NUFIP1: variants seen among roughly 807,000 people sequenced by gnomAD.
The protein encoded by NUFIP1 is nuclear FMR1 interacting protein 1.
In NUFIP1, 38 loss-of-function variants were observed where a neutral mutation model predicts 56.2. That is an observed-to-expected ratio of 0.68 (90% CI 0.52 to 0.89). The LOEUF (loss-of-function observed/expected upper bound fraction) is 0.89, where lower values mean the gene tolerates loss of function less well. Among genes scored for constraint, NUFIP1 ranks in the 40% least tolerant of loss-of-function variants. NUFIP1 has a pLI of 0.00. For missense variants in NUFIP1, 567 were observed against 605.8 expected, an observed-to-expected ratio of 0.94 and a Z score of 0.67; for synonymous variants, 215 against 212.4, an observed-to-expected ratio of 1.01 and a Z score of -0.10.
intron 6 of NUFIP1, among the ~76,000 whole-genome samples, chr13:44,964,733 A>G (rs1208677819): frequency 6.6e-6 from 1 of 152,184 alleles, no homozygotes; most frequent in Non-Finnish European, 1.5e-5. Flanking sequence ...AAAACGACCC[A>G]AAAGGATCAG....
chr13:44,959,755 T>C (rs929593974), intron 6 of NUFIP1, among the ~76,000 whole-genome samples, 181 bp from the exon 7 acceptor site: 1 of 151,988 alleles, frequency 6.6e-6, no homozygotes, highest in Admixed American at 6.6e-5. Flanking sequence ...AAGCCTATGA[T>C]AGAACTTTAG....
intron 1 of NUFIP1, among the ~76,000 whole-genome samples, chr13:44,986,691 CAAAAAA>C (rs1190227669): frequency 1.8e-5 from 1 of 54,056 alleles, no homozygotes. Context: ...GACTCCATCT[CAAAAAA>C]AAAAAAAAAA....
chr13:44,988,400 G>A (rs1872507548), intron 1 of NUFIP1, among the ~76,000 whole-genome samples: 1 of 152,098 alleles, frequency 6.6e-6, no homozygotes. Flanking sequence ...CTGGAGTGAA[G>A]TAGATCGCGC....
At position 44,979,921 on chromosome 13, in the gene NUFIP1, T is replaced by C; in HGVS notation, c.626A>G (p.His209Arg). The C allele has an allele frequency of 6.2e-7, 1 of 1,604,394 alleles. No homozygotes were observed. Among genetic ancestry groups the C allele is most frequent in the South Asian group, 1.1e-5 (1 of 87,838 alleles). ...CCAATGGAACTGGACAATCTTCTCG[T>C]GTGCAGTAAAAGAGCAATCTAATTC... ...CPELDCSFTAHEKIVQFHWRN... is the reference protein window; with the variant it reads ...CPELDCSFTAREKIVQFHWRN... Residue 209 changes from histidine (H) to arginine (R), a missense_variant, in exon 4 of 10, where the codon CAC becomes CGC. By Grantham distance (29) the His-to-Arg change is conservative. Transcript: ENST00000379161.
chr13:44,970,565 C>G (rs1171261687), intron 5 of NUFIP1, among the ~76,000 whole-genome samples: 1 of 152,226 alleles, frequency 6.6e-6, no homozygotes, highest in Non-Finnish European at 1.5e-5. Context: ...AAGGACTATT[C>G]TGCCACACCA....
At position 44,939,939 on chromosome 13, in the gene NUFIP1, G is replaced by T. The variant is rs558756035; in HGVS notation, c.*1267C>A. The T allele has an allele frequency of 6.6e-6, 1 of 152,180 alleles. No homozygotes were observed. Among genetic ancestry groups the T allele is most frequent in the East Asian group, 1.9e-4 (1 of 5,190 alleles). The allele number at this position is 152,180 out of a possible 1,614,324, so 9.4% of individuals were successfully genotyped here. On this transcript the variant is annotated 3_prime_UTR_variant, in exon 10 of 10. Transcript: ENST00000379161. ...AAAGTACAAACTGTGTTATATTTTA[G>T]AATATCAACTCAGTTGTAACACTAG... is the stretch of plus-strand genomic sequence containing the variant.
intron 7 of NUFIP1, among the ~76,000 whole-genome samples, chr13:44,956,288 A>G (rs886178280): frequency 1.3e-5 from 2 of 152,044 alleles, no homozygotes; most frequent in Admixed American, 6.6e-5. Context: ...AAACGGGGAT[A>G]GATTGTCTGT....
At chr13:44,971,528 T>G (rs1253811980) in intron 5 of NUFIP1, among the ~76,000 whole-genome samples, 2 of 152,052 alleles carry the variant, frequency 1.3e-5, no homozygotes, top group Non-Finnish European at 2.9e-5. Flanking sequence ...TCACTTATAG[T>G]TTTGAAATTC....
chr13:44,968,754 G>A (rs539084189), intron 5 of NUFIP1, among the ~76,000 whole-genome samples: 2 of 152,246 alleles, frequency 1.3e-5, no homozygotes, highest in South Asian at 4.1e-4. Context: ...TTACCATGTT[G>A]GGCTATATGT....
intron 4 of NUFIP1, among the ~76,000 whole-genome samples, 154 bp from the exon 5 acceptor site, chr13:44,979,420 A>G (rs1593369819): frequency 6.6e-6 from 1 of 152,342 alleles, no homozygotes; most frequent in South Asian, 2.1e-4. Context: ...TTTCCTTTAA[A>G]GGAAGAAGAA....
chr13:44,949,732 A>C lies in NUFIP1; in HGVS notation c.1128T>G (p.Ser376Arg). Residue 376 changes from serine (S) to arginine (R), a missense_variant, in exon 8 of 10, where the codon AGT becomes AGG. By Grantham distance (110) the Ser-to-Arg change is moderately radical (BLOSUM62 -1). Transcript: ENST00000379161. ...SSYGSLSGSE[S>R]EPEETPIKTE... ...CACACCATGACTTACCTTCTGGCTC[A>C]CTCTCTGACCCTGAAAGACTGCCAT... is the stretch of plus-strand genomic sequence containing the variant. The C allele has an allele frequency of 6.2e-7, 1 of 1,600,096 alleles. No individual in the cohort carries two copies. Among genetic ancestry groups the C allele is most frequent in the Non-Finnish European group, 8.5e-7 (1 of 1,173,854 alleles).
In NUFIP1 at chr13:44,989,433, C is replaced by G. The variant is rs1236111442; in HGVS notation, c.4G>C (p.Ala2Pro). The G allele has an allele frequency of 1.2e-6, 2 of 1,613,206 alleles. No homozygotes were observed. Among genetic ancestry groups the G allele is most frequent in the Non-Finnish European group, 8.5e-7 (1 of 1,179,640 alleles). ...GTCTCGAAATCACTAGTCGGCTCAG[C>G]CATACCACTGGCGGGTCCGGAGTCT... M[A>P]EPTSDFETPI... Residue 2 changes from alanine to proline, a missense_variant, in exon 1 of 10, where the codon GCT (alanine) becomes CCT (proline). Ala to Pro is a conservative substitution (Grantham distance 27). Coordinates refer to ENST00000379161, the MANE Select transcript of NUFIP1 (RefSeq NM_012345.3).
intron 9 of NUFIP1, 70 bp downstream of exon 9, chr13:44,943,372 A>C: frequency 7.7e-7 from 1 of 1,303,620 alleles, no homozygotes; most frequent in Non-Finnish European, 1.1e-6. Context: ...ACACACACAC[A>C]CACACCCCAG....
In NUFIP1 at chr13:44,941,168, T is replaced by C. The variant is rs1333649197; in HGVS notation, c.*38A>G. 1 of 1,050,288 alleles carries C rather than the reference T, an allele frequency of 9.5e-7. No individual in the cohort carries two copies. The highest frequency in any genetic ancestry group is 1.4e-6 in the Non-Finnish European group (1 of 691,674). 65.1% of individuals were successfully genotyped at this position (1,050,288 alleles called of 1,614,324 possible). A position where few individuals can be genotyped will look rare whatever the true frequency, so the allele number is the denominator to read the frequency against. On this transcript the variant is annotated 3_prime_UTR_variant, in exon 10 of 10. Transcript: ENST00000379161. ...CTCTACTAACGAGGATGATACTGTT[T>C]CACATGCTTCAGTTATGTATGCTGA...
intron 1 of NUFIP1, among the ~76,000 whole-genome samples, chr13:44,983,476 C>A (rs1221980419): frequency 6.6e-6 from 1 of 151,770 alleles, no homozygotes; most frequent in Non-Finnish European, 1.5e-5. Context: ...CGCACCCAGC[C>A]CCCCGTCTCA....
chr13:44,967,089 T>A (rs1180035821), intron 5 of NUFIP1, among the ~76,000 whole-genome samples: 1 of 151,786 alleles, frequency 6.6e-6, no homozygotes, highest in Non-Finnish European at 1.5e-5. Flanking sequence ...CAAGAGGGTA[T>A]AAAGACTGGG....
At chr13:44,983,516 G>T (rs972338340) in intron 1 of NUFIP1, among the ~76,000 whole-genome samples, 7 of 152,134 alleles carry the variant, frequency 4.6e-5, no homozygotes, top group African/African-American at 1.7e-4. Context: ...TTGAGGGAGG[G>T]GCTGGCATGA....
At position 44,989,341 on chromosome 13, in the gene NUFIP1, C is replaced by T; in HGVS notation, c.96G>A (p.Pro32=). The change falls in exon 1 of 10, where the codon CCG becomes CCA. Residue 32 remains proline, a synonymous_variant. Transcript: ENST00000379161. The part of the protein sequence containing the change: ...PTLGPLSDTA[P]PRDSWMFWAM... ...CCCAGAACATCCAGCTGTCCCGCGGCGGGGCAGTGTCGCTCAGGGGCCCTA... is the reference window on the plus strand; with the variant it reads ...CCCAGAACATCCAGCTGTCCCGCGGTGGGGCAGTGTCGCTCAGGGGCCCTA... The T allele has an allele frequency of 6.2e-7, 1 of 1,612,946 alleles. No homozygotes were observed. The highest frequency in any genetic ancestry group is 8.5e-7 in the Non-Finnish European group (1 of 1,179,742).
At chr13:44,952,954 T>C (rs1327178786) in intron 7 of NUFIP1, among the ~76,000 whole-genome samples, 1 of 152,216 alleles carries the variant, frequency 6.6e-6, no homozygotes, top group Non-Finnish European at 1.5e-5. Flanking sequence ...AGTTTGGGTC[T>C]GTCTGACATT....
Sources: allele counts gnomAD v4.1 joint callset (sites outside exome capture counted in the v4.1 genomes callset), GRCh38; gene constraint gnomAD v4.1.1; transcripts MANE v1.5; gene names NCBI Gene and HGNC (gene_info 2026-07-23, HGNC 2026-07-21).